The following HECTD4 variants were observed in gnomAD, a reference collection of about 807,000 sequenced individuals.
The protein encoded by HECTD4 is HECT domain E3 ubiquitin protein ligase 4, also known as probable E3 ubiquitin-protein ligase HECTD4.
Under a neutral mutation model 471.5 loss-of-function variants are expected in HECTD4, and 114 were observed. That is an observed-to-expected ratio of 0.24 (90% CI 0.21 to 0.28). The LOEUF (loss-of-function observed/expected upper bound fraction) is 0.28, where lower values mean the gene tolerates loss of function less well. Among genes scored for constraint, HECTD4 ranks in the 10% least tolerant of loss-of-function variants. The pLI is 1.00. For missense variants in HECTD4, 3,866 were observed against 5,651.5 expected, an observed-to-expected ratio of 0.68 and a Z score of 10.13; for synonymous variants, 2,012 against 2,256.0, an observed-to-expected ratio of 0.89 and a Z score of 3.07.
chr12:112,279,478 C>T, intron 8 of HECTD4, 92 bp from the exon 9 acceptor site: 1 of 1,019,242 alleles, frequency 9.8e-7, no homozygotes, highest in Non-Finnish European at 1.4e-6. Flanking sequence ...GAGGGAGACC[C>T]AAACTCAAAC....
intron 1 of HECTD4, among the ~76,000 whole-genome samples, chr12:112,356,065 A>G (rs2036331959): frequency 6.6e-6 from 1 of 152,172 alleles, no homozygotes; most frequent in Non-Finnish European, 1.5e-5. Context: ...TTATCCTTAA[A>G]TTGAGAGTGG....
chr12:112,217,770 T>C (rs1382194311), intron 45 of HECTD4, among the ~76,000 whole-genome samples: 1 of 152,244 alleles, frequency 6.6e-6, no homozygotes, highest in Non-Finnish European at 1.5e-5. Context: ...CCCATCCTCT[T>C]ATAGCCCCCA....
In HECTD4 at chr12:112,339,860, CCAA is replaced by C. The variant is rs556649155; in HGVS notation, c.178-20121_178-20119del. On this transcript the variant is annotated intron_variant, in intron 1 of 75. Coordinates refer to ENST00000682272, the MANE Select transcript of HECTD4 (RefSeq NM_001388303.1). ...GGTCAGGAGTTCGAGACCAGCCTGGCCAACATGGTGAAACCCCGCCTCTACAAA... is the reference window on the plus strand; with the variant it reads ...GGTCAGGAGTTCGAGACCAGCCTGGCCATGGTGAAACCCCGCCTCTACAAA... Among the ~76,000 whole-genome samples, 3 of 152,088 alleles carry C rather than the reference CCAA, an allele frequency of 2.0e-5. No individual in the cohort carries two copies. In the South Asian group the frequency reaches 6.2e-4, roughly 32 times the overall value.
At position 112,239,003 on chromosome 12, in the gene HECTD4, C is replaced by A. The variant is rs138417223; in HGVS notation, c.5290+49G>T. 1.3e-6 allele frequency: 2 copies of A among 1,523,440 alleles called. No homozygotes were observed. The highest frequency in any genetic ancestry group is 2.1e-5 in the Admixed American group (1 of 47,504). 94.4% of individuals were successfully genotyped at this position (1,523,440 alleles called of 1,614,324 possible). A position where few individuals can be genotyped will look rare whatever the true frequency, so the allele number is the denominator to read the frequency against. ...GCATAAAAAAACCAATAAACTAACA[C>A]ACCAATAGAAGAAATCAGTGAGCTC... On this transcript the variant is annotated intron_variant, in intron 34 of 75. Coordinates refer to ENST00000682272, the MANE Select transcript of HECTD4 (RefSeq NM_001388303.1). This position sits in a 1 kb window ranked among gnomAD's most constrained non-coding sequence, Gnocchi z 4.9.
intron 1 of HECTD4, among the ~76,000 whole-genome samples, chr12:112,349,581 ATC>A (rs1464119710): frequency 1.3e-5 from 2 of 152,104 alleles, no homozygotes; most frequent in Non-Finnish European, 2.9e-5. Flanking sequence ...AGATGAAAAC[ATC>A]TAGTTTTGCT....
At position 112,173,817 on chromosome 12, in the gene HECTD4, C is replaced by A. The variant is rs551138503; in HGVS notation, c.11595-956G>T. 2.6e-4 allele frequency among the ~76,000 whole-genome samples: 40 copies of A among 152,036 alleles called. No individual in the cohort carries two copies. Among genetic ancestry groups the A allele is most frequent in the Non-Finnish European group, 5.1e-4 (35 of 68,022 alleles). ...AGTGCTAGGGTTTCTAAAACAAGTT[C>A]AGAAAACTTGTCCCTGCCACCATAA... On this transcript the variant is annotated intron_variant, in intron 66 of 75. Transcript: ENST00000682272. This position sits in a 1 kb window ranked among gnomAD's most constrained non-coding sequence, Gnocchi z 4.3.
chr12:112,233,093 A>G lies in HECTD4; in HGVS notation c.5916-8T>C. Reference sequence around the variant, plus strand: ...GGCCGTCCTTCTGAACTACTGAAAAAAGGCAGGCAGAGAACACAGCACACC... The same window carrying G: ...GGCCGTCCTTCTGAACTACTGAAAAGAGGCAGGCAGAGAACACAGCACACC... On this transcript the variant is annotated splice_region_variant and splice_polypyrimidine_tract_variant and intron_variant, in intron 37 of 75. Transcript: ENST00000682272. The G allele has an allele frequency of 6.2e-7, 1 of 1,601,066 alleles. No individual in the cohort carries two copies. The highest frequency in any genetic ancestry group is 8.5e-7 in the Non-Finnish European group (1 of 1,173,702).
At position 112,169,490 on chromosome 12, in the gene HECTD4, G is replaced by A; in HGVS notation, c.12208+13C>T. ...AGCTCCTCCAGCGTGGAGCCTGGCG[G>A]GCCACCACTTACTGGTGCCATGGAC... On this transcript the variant is annotated intron_variant, in intron 70 of 75. Coordinates refer to ENST00000682272, the MANE Select transcript of HECTD4 (RefSeq NM_001388303.1). The A allele has an allele frequency of 6.2e-7, 1 of 1,601,680 alleles. No homozygotes were observed. The highest frequency in any genetic ancestry group is 8.5e-7 in the Non-Finnish European group (1 of 1,173,444).
Position 112,162,314 on chromosome 12 carries a change from GGCCGCA to G in HECTD4, c.*67_*72del, listed in dbSNP as rs2030719268. ...CCTCACGCAGGGCCCTGGAGGGACG[GGCCGCA>G]GTGGTGGCTTCCCAAGCCAGCAGAG... is the stretch of plus-strand genomic sequence containing the variant. On this transcript the variant is annotated 3_prime_UTR_variant, in exon 76 of 76. Coordinates refer to ENST00000682272, the MANE Select transcript of HECTD4 (RefSeq NM_001388303.1). This position sits in a 1 kb window ranked among gnomAD's most constrained non-coding sequence, Gnocchi z 5.2. The G allele has an allele frequency of 6.3e-7, 1 of 1,588,840 alleles. No individual in the cohort carries two copies. The highest frequency in any genetic ancestry group is 1.1e-5 in the South Asian group (1 of 89,916).
Position 112,163,088 on chromosome 12 carries a change from A to G in HECTD4, c.13074T>C (p.His4358=). Residue 4358 remains histidine, a synonymous_variant, in exon 75 of 76, where the codon CAT becomes CAC. Coordinates refer to ENST00000682272, the MANE Select transcript of HECTD4 (RefSeq NM_001388303.1). The surrounding 1 kb of genome is among the most constrained non-coding windows in gnomAD (Gnocchi z 8.2). ...PCKDGGPDTA[H]VPPYPMKIAP... is the part of the protein sequence containing the mutation. ...CGATCTTCATGGGGTACGGGGGCAC[A>G]TGGGCAGTGTCGGGACCCCCATCTT... 1 of 1,613,860 alleles carries G rather than the reference A, an allele frequency of 6.2e-7. No homozygotes were observed. Among genetic ancestry groups the G allele is most frequent in the East Asian group, 2.2e-5 (1 of 44,872 alleles).
intron 7 of HECTD4, among the ~76,000 whole-genome samples, chr12:112,301,085 A>G (rs1308733544): frequency 1.3e-5 from 2 of 149,720 alleles, no homozygotes; most frequent in Non-Finnish European, 3.0e-5. Context: ...ACGGGGTTTC[A>G]CCATCTTGGC....
In HECTD4 at chr12:112,210,006, G is replaced by C. The variant is rs2032714590; in HGVS notation, c.7867+9C>G. 1 of 1,606,314 alleles carries C rather than the reference G, an allele frequency of 6.2e-7. No individual in the cohort carries two copies. The highest frequency in any genetic ancestry group is 8.5e-7 in the Non-Finnish European group (1 of 1,175,026). On this transcript the variant is annotated intron_variant, in intron 50 of 75. Coordinates refer to ENST00000682272, the MANE Select transcript of HECTD4 (RefSeq NM_001388303.1). ...CCATGGAGGCAGTAAGTTCCAGGAG[G>C]TGACTTACGTTGCTGAGCGGTGGCC...
At chr12:112,272,655 G>A (rs1239306554) in intron 11 of HECTD4, among the ~76,000 whole-genome samples, 1 of 149,460 alleles carries the variant, frequency 6.7e-6, no homozygotes, top group Non-Finnish European at 1.5e-5. Flanking sequence ...CTGTGTAGAT[G>A]TGTGGTCCCC....
chr12:112,277,446 G>A (rs1021535035), intron 9 of HECTD4, among the ~76,000 whole-genome samples: 1 of 152,122 alleles, frequency 6.6e-6, no homozygotes, highest in South Asian at 2.1e-4. Flanking sequence ...AAAACAACTT[G>A]GAACCAATAA....
chr12:112,233,105 G>A lies in HECTD4; in HGVS notation c.5916-20C>T. ...GAACTACTGAAAAAAGGCAGGCAGA[G>A]AACACAGCACACCTTACAGGCACTG... On this transcript the variant is annotated intron_variant, in intron 37 of 75. Transcript: ENST00000682272. 6.3e-7 allele frequency: 1 copy of A among 1,584,472 alleles called. No individual in the cohort carries two copies. Among genetic ancestry groups the A allele is most frequent in the Non-Finnish European group, 8.6e-7 (1 of 1,164,270 alleles).
chr12:112,162,614 T>C lies in HECTD4; in HGVS notation c.13121-91A>G. 1 of 1,523,934 alleles carries C rather than the reference T, an allele frequency of 6.6e-7. No individual in the cohort carries two copies. Among genetic ancestry groups the C allele is most frequent in the Non-Finnish European group, 9.0e-7 (1 of 1,115,856 alleles). The allele number at this position is 1,523,934 out of a possible 1,614,324, so 94.4% of individuals were successfully genotyped here. ...GCTGGCCTCTGCTTCCAGGTTTGCC[T>C]CCTTGGGTAGCCCCAAGCCAATCCT... On this transcript the variant is annotated intron_variant, in intron 75 of 75. Transcript: ENST00000682272. This position sits in a 1 kb window ranked among gnomAD's most constrained non-coding sequence, Gnocchi z 5.2.
chr12:112,177,258 G>T (rs2031482457), intron 64 of HECTD4, among the ~76,000 whole-genome samples: 1 of 152,094 alleles, frequency 6.6e-6, no homozygotes, highest in Non-Finnish European at 1.5e-5. Flanking sequence ...AGAGATTCTT[G>T]CTGGGTAATA....
intron 7 of HECTD4, among the ~76,000 whole-genome samples, chr12:112,296,824 G>T (rs932993523): frequency 1.3e-5 from 2 of 150,626 alleles, no homozygotes; most frequent in African/African-American, 4.9e-5. Context: ...GTGGATGTAG[G>T]TGCAGAAGGT....
rs1169318827 is a variant in HECTD4 at position 112,251,042 on chromosome 12, C to T, written c.3645G>A (p.Leu1215=). Residue 1215 remains leucine (L), a synonymous_variant, in exon 24 of 76, where the codon CTG becomes CTA. Transcript: ENST00000682272. ...CTTTGGTAATTTCTGGTCCATTGTACAGGATTCTTAACATGGAACAAGCTA... is the reference window on the plus strand; with the variant it reads ...CTTTGGTAATTTCTGGTCCATTGTATAGGATTCTTAACATGGAACAAGCTA... ...SVLACSMLRI[L]YNGPEITKEE... The T allele has an allele frequency of 6.2e-7, 1 of 1,613,890 alleles. No homozygotes were observed. Among genetic ancestry groups the T allele is most frequent in the African/African-American group, 1.3e-5 (1 of 74,938 alleles).
Sources: allele counts gnomAD v4.1 joint callset (sites outside exome capture counted in the v4.1 genomes callset), GRCh38; gene constraint gnomAD v4.1.1; non-coding constraint Gnocchi (gnomAD v3.1); transcripts MANE v1.5; gene names NCBI Gene and HGNC (gene_info 2026-07-23, HGNC 2026-07-21).